The following LRRC71 variants were observed in gnomAD, a reference collection of about 807,000 sequenced individuals.
LRRC71 encodes the protein leucine rich repeat containing 71.
LRRC71 carries 54 observed loss-of-function variants against 66.6 expected under a neutral mutation model. The ratio of observed to expected loss-of-function variants is 0.81; its 90% CI spans 0.65 to 1.02. The LOEUF (loss-of-function observed/expected upper bound fraction) is 1.02. Among genes scored for constraint, LRRC71 ranks in the 50% least tolerant of loss-of-function variants. LRRC71 has a pLI of 0.00. For synonymous variants in LRRC71, 323 were observed against 303.9 expected (o/e 1.06, Z -0.65); for missense variants, 724 against 718.0 (o/e 1.01, Z -0.10).
At chr1:156,927,399 A>G (rs922445410) in intron 6 of LRRC71, 97 bp from the exon 7 acceptor site, 3 of 1,513,762 alleles carry the variant, frequency 2.0e-6, no homozygotes, top group Non-Finnish European at 2.7e-6. Context: ...CTACATCCTC[A>G]GACCAGACCG....
the LRRC71 span, chr1:156,938,697 T>A: frequency 2.0e-6 from 1 of 510,722 alleles, no homozygotes. Context: ...TTTCCACCAA[T>A]TCACCGAGAG....
In LRRC71 at chr1:156,933,078, G is replaced by A; in HGVS notation, c.*109G>A. On this transcript the variant is annotated 3_prime_UTR_variant, in exon 15 of 15. Transcript: ENST00000337428. ...TCTCAGACCAATAACAAAGTCTGTTGCTATACTTTTCCTTGAGGTCGTCTG... is the reference window on the plus strand; with the variant it reads ...TCTCAGACCAATAACAAAGTCTGTTACTATACTTTTCCTTGAGGTCGTCTG... 1 of 738,440 alleles carries A rather than the reference G, an allele frequency of 1.4e-6. No homozygotes were observed. The highest frequency in any genetic ancestry group is 2.2e-6 in the Non-Finnish European group (1 of 451,562). 45.7% of individuals were successfully genotyped at this position (738,440 alleles called of 1,614,324 possible).
chr1:156,929,160 T>G, intron 9 of LRRC71, 120 bp from the exon 10 acceptor site: 1 of 1,164,018 alleles, frequency 8.6e-7, no homozygotes, highest in Non-Finnish European at 1.2e-6. Context: ...GGCAGGGAGG[T>G]GGGTGGGAGG....
At chr1:156,928,363 C>CTCTTCCTCTTCTTCTTCT (rs1553188852) in intron 9 of LRRC71, among the ~76,000 whole-genome samples, 2 of 98,784 alleles carry the variant, frequency 2.0e-5, no homozygotes, top group Non-Finnish European at 3.6e-5. Context: ...CTTCTTCTTC[C>CTCTTCCTCTTCTTCTTCT]TCTTCTTCTT....
chr1:156,928,363 C>CTCTTCTTCTTCTTCTTCTTT (rs1653600613), intron 9 of LRRC71, among the ~76,000 whole-genome samples: 1 of 98,784 alleles, frequency 1.0e-5, no homozygotes, highest in South Asian at 3.9e-4. Context: ...CTTCTTCTTC[C>CTCTTCTTCTTCTTCTTCTTT]TCTTCTTCTT....
At chr1:156,940,379 T>G in the LRRC71 span, 11 of 1,613,006 alleles carry the variant, frequency 6.8e-6, no homozygotes, top group South Asian at 2.2e-5. Flanking sequence ...CAGGGTCCTC[T>G]AGCAGGACCT....
At chr1:156,931,545 T>C (rs1366734323) in intron 12 of LRRC71, among the ~76,000 whole-genome samples, 1 of 152,204 alleles carries the variant, frequency 6.6e-6, no homozygotes, top group African/African-American at 2.4e-5. Context: ...GAATGCGACA[T>C]ACTGTTTCAC....
At chr1:156,928,047 G>T in intron 9 of LRRC71, 43 bp downstream of exon 9, 1 of 1,538,712 alleles carries the variant, frequency 6.5e-7, no homozygotes, top group East Asian at 2.4e-5. Flanking sequence ...GAGCCCCTCT[G>T]ACCCTCGAGC....
intron 9 of LRRC71, among the ~76,000 whole-genome samples, chr1:156,928,700 A>G (rs1478148971): frequency 2.0e-5 from 3 of 149,452 alleles, no homozygotes; most frequent in Non-Finnish European, 4.4e-5. Flanking sequence ...CCTCCTGAGT[A>G]GCTGAGATTT....
downstream of LRRC71, among the ~76,000 whole-genome samples, chr1:156,936,526 A>ATATATATATAT (rs1655356160): frequency 3.8e-5 from 5 of 132,352 alleles, no homozygotes; most frequent in Admixed American, 7.8e-5. Flanking sequence ...ATATATATAT[A>ATATATATATAT]AAATTAAAAA....
chr1:156,929,767 G>A (rs1653992497), intron 11 of LRRC71, 38 bp downstream of exon 11: 3 of 1,520,758 alleles, frequency 2.0e-6, no homozygotes, highest in Non-Finnish European at 2.7e-6. Context: ...CTTCCTGTGT[G>A]GAGGAGGGAA....
In LRRC71 at chr1:156,920,662, C is replaced by T. The variant is rs1652219924; in HGVS notation, c.-142C>T. The T allele has an allele frequency of 9.2e-7, 1 of 1,081,488 alleles. No individual in the cohort carries two copies. Among genetic ancestry groups the T allele is most frequent in the African/African-American group, 1.6e-5 (1 of 60,756 alleles). The allele number at this position is 1,081,488 out of a possible 1,614,324, so 67.0% of individuals were successfully genotyped here. ...CTTGGAGAGGGACGCGTAGGCTACG[C>T]CACCGCGGACGGGTCGGATCCGGTC... On this transcript the variant is annotated 5_prime_UTR_variant, in exon 1 of 15. Transcript: ENST00000337428. This position sits in a 1 kb window ranked among gnomAD's most constrained non-coding sequence, Gnocchi z 4.9.
chr1:156,928,174 G>T (rs1653530860), intron 9 of LRRC71, among the ~76,000 whole-genome samples, 170 bp downstream of exon 9: 1 of 152,122 alleles, frequency 6.6e-6, no homozygotes, highest in Non-Finnish European at 1.5e-5. Context: ...CCCCTGCTGG[G>T]GGGGCTCTAA....
In LRRC71 at chr1:156,923,974, C is replaced by T; in HGVS notation, c.186C>T (p.Leu62=). 6.5e-7 allele frequency: 1 copy of T among 1,534,738 alleles called. No homozygotes were observed. Among genetic ancestry groups the T allele is most frequent in the African/African-American group, 1.4e-5 (1 of 72,732 alleles). ...AGGAGTACCAGTGCTCCGGGGTCCTCGAGACCGACTTCGCCGAGCTCTGCA... is the reference window on the plus strand; with the variant it reads ...AGGAGTACCAGTGCTCCGGGGTCCTTGAGACCGACTTCGCCGAGCTCTGCA... ...SPEEYQCSGV[L]ETDFAELCTR... Residue 62 remains leucine, a synonymous_variant, in exon 2 of 15, where the codon CTC becomes CTT. Coordinates refer to ENST00000337428, the MANE Select transcript of LRRC71 (RefSeq NM_144702.3).
At chr1:156,938,773 A>C in the LRRC71 span, 1 of 445,220 alleles carries the variant, frequency 2.2e-6, no homozygotes, top group Non-Finnish European at 4.0e-6. Context: ...ATGGAATGAA[A>C]AATGCTGCTG....
At chr1:156,927,847 G>T (rs923605742) in intron 8 of LRRC71, 31 bp downstream of exon 8, 7 of 1,612,158 alleles carry the variant, frequency 4.3e-6, no homozygotes, top group Non-Finnish European at 5.9e-6. Flanking sequence ...GGGCAGGGGC[G>T]TGGGCGGGCC....
At chr1:156,923,577 GAGCAGTTCC>G (rs930983069) in intron 1 of LRRC71, among the ~76,000 whole-genome samples, 1 of 152,186 alleles carries the variant, frequency 6.6e-6, no homozygotes, top group African/African-American at 2.4e-5. Context: ...CAGGGACCCT[GAGCAGTTCC>G]AGCAGGGAAG....
rs1653928728 is a variant in LRRC71 at position 156,929,409 on chromosome 1, A to C, written c.1126A>C (p.Lys376Gln). ...QTMKTPKGLG[K>Q]KKEKSWELAK... is the part of the protein sequence containing the mutation. ...AATGAAAACCCCTAAGGGCCTGGGCAAGAAAAAGGAGAAATCATGGGTAGG... is the reference window on the plus strand; with the variant it reads ...AATGAAAACCCCTAAGGGCCTGGGCCAGAAAAAGGAGAAATCATGGGTAGG... Residue 376 changes from lysine to glutamine, a missense_variant, in exon 10 of 15, where the codon AAG becomes CAG. Physicochemically the swap from Lys to Gln is moderately conservative, Grantham distance 53. Coordinates refer to ENST00000337428, the MANE Select transcript of LRRC71 (RefSeq NM_144702.3). 4 of 1,613,902 alleles carry C rather than the reference A, an allele frequency of 2.5e-6. No individual in the cohort carries two copies. In the East Asian group the frequency reaches 8.9e-5, roughly 36 times the overall value.
chr1:156,936,825 G>C (rs746651179), downstream of LRRC71: 1 of 1,613,758 alleles, frequency 6.2e-7, no homozygotes. Context: ...CCATCCTCAG[G>C]GCAGGGCCCC....
Sources: allele counts gnomAD v4.1 joint callset (sites outside exome capture counted in the v4.1 genomes callset), GRCh38; gene constraint gnomAD v4.1.1; non-coding constraint Gnocchi (gnomAD v3.1); transcripts MANE v1.5; gene names NCBI Gene and HGNC (gene_info 2026-07-23, HGNC 2026-07-21).